The following UTRN variants were observed in gnomAD, a reference collection of about 807,000 sequenced individuals.
The protein encoded by UTRN is dystrophin-related protein 1.
A neutral mutation model predicts 463.9 loss-of-function variants in UTRN; 283 were observed. The ratio of observed to expected loss-of-function variants is 0.61; its 90% confidence interval spans 0.55 to 0.67. UTRN has a LOEUF of 0.67. Ranked by LOEUF, UTRN falls within the 30% of genes least tolerant of loss-of-function variation. The probability of loss-of-function intolerance (pLI) is 0.00; values close to 1 mark genes in which losing one functional copy is unlikely to be tolerated. For synonymous variants in UTRN, 1,442 were observed against 1,431.5 expected (o/e 1.01, Z -0.17); for missense variants, 3,922 against 4,084.3 (o/e 0.96, Z 1.08).
chr6:144,620,944 A>G (rs1775304285), intron 51 of UTRN, among the ~76,000 whole-genome samples: 1 of 152,106 alleles, frequency 6.6e-6, no homozygotes. Flanking sequence ...AAGTGAGGAG[A>G]GCTTGCATAG....
At chr6:144,570,989 C>A (rs557645632) in intron 50 of UTRN, among the ~76,000 whole-genome samples, 3 of 151,900 alleles carry the variant, frequency 2.0e-5, no homozygotes, top group African/African-American at 7.2e-5. Context: ...TTAGCTGTTG[C>A]CATATAACCT....
intron 51 of UTRN, chr6:144,660,396 A>C: frequency 2.6e-6 from 1 of 392,088 alleles, no homozygotes; most frequent in Admixed American, 3.2e-5. Flanking sequence ...TTTATAAGGA[A>C]TATTCAATTT....
intron 53 of UTRN, among the ~76,000 whole-genome samples, chr6:144,718,744 A>G (rs950328833): frequency 4.6e-5 from 7 of 152,186 alleles, no homozygotes; most frequent in Non-Finnish European, 2.9e-5. Flanking sequence ...ACAAAAATTT[A>G]TTGGCTTTCC....
intron 51 of UTRN, among the ~76,000 whole-genome samples, chr6:144,606,993 T>G (rs1424627031): frequency 1.3e-5 from 2 of 152,166 alleles, no homozygotes; most frequent in Admixed American, 1.3e-4. Flanking sequence ...TGTACATCCT[T>G]TACCCATTTA....
intron 34 of UTRN, among the ~76,000 whole-genome samples, chr6:144,505,385 C>T (rs1475331741): frequency 6.6e-6 from 1 of 152,110 alleles, no homozygotes; most frequent in Admixed American, 6.5e-5. Context: ...CTCATGTGGG[C>T]AGTTAGTGCT....
At chr6:144,598,029 A>G (rs1311301099) in intron 51 of UTRN, among the ~76,000 whole-genome samples, 2 of 152,228 alleles carry the variant, frequency 1.3e-5, no homozygotes, top group Non-Finnish European at 2.9e-5. Context: ...ACTGAAAATT[A>G]TATGGAACAA....
chr6:144,357,016 C>CCATA (rs1276729609), intron 2 of UTRN, among the ~76,000 whole-genome samples: 2 of 151,788 alleles, frequency 1.3e-5, no homozygotes. Flanking sequence ...TGTTGGAGAC[C>CCATA]CATAGCCTGT....
chr6:144,578,964 A>G (rs1178263187), intron 51 of UTRN, among the ~76,000 whole-genome samples: 2 of 152,266 alleles, frequency 1.3e-5, no homozygotes, highest in Non-Finnish European at 2.9e-5. Flanking sequence ...GTTTGAAATT[A>G]TTTTCACTGA....
chr6:144,722,119 C>T (rs1295601637), intron 53 of UTRN, among the ~76,000 whole-genome samples: 1 of 152,038 alleles, frequency 6.6e-6, no homozygotes, highest in East Asian at 1.9e-4. Context: ...CCATCAACCA[C>T]AAGGACTCTT....
At chr6:144,761,426 G>A (rs766628030) in intron 58 of UTRN, among the ~76,000 whole-genome samples, 3 of 151,940 alleles carry the variant, frequency 2.0e-5, no homozygotes, top group Non-Finnish European at 2.9e-5. Flanking sequence ...AGGCTGAGGC[G>A]GGTGGATTGC....
At chr6:144,507,969 A>G (rs1052580280) in intron 34 of UTRN, among the ~76,000 whole-genome samples, 1 of 152,110 alleles carries the variant, frequency 6.6e-6, no homozygotes, top group African/African-American at 2.4e-5. Context: ...CAGTCTGGCT[A>G]CAGTTGCTTT....
intron 54 of UTRN, among the ~76,000 whole-genome samples, chr6:144,737,946 C>G (rs765050549): frequency 1.5e-4 from 23 of 151,992 alleles, no homozygotes; most frequent in Non-Finnish European, 2.9e-4. Context: ...TATTCATTCT[C>G]CTGTCTATCC....
chr6:144,550,927 C>A, intron 47 of UTRN, 38 bp from the exon 48 acceptor site: 1 of 1,529,760 alleles, frequency 6.5e-7, no homozygotes, highest in Non-Finnish European at 8.8e-7. Context: ...TCTCATATGG[C>A]TTATTAACCT....
chr6:144,405,492 A>G (rs1480611488), intron 3 of UTRN, among the ~76,000 whole-genome samples: 2 of 152,330 alleles, frequency 1.3e-5, no homozygotes, highest in East Asian at 3.9e-4. Flanking sequence ...ACAAGAAAAA[A>G]AAATAAATCC....
intron 51 of UTRN, among the ~76,000 whole-genome samples, chr6:144,609,842 G>A (rs2128641548): frequency 1.3e-5 from 2 of 152,038 alleles, no homozygotes; most frequent in East Asian, 3.9e-4. Context: ...CTGGGTCACA[G>A]AAAAAATTAG....
Position 144,830,730 on chromosome 6 carries a change from T to TTTTTTGG in UTRN, c.9665+1880_9665+1881insGGTTTTT, listed in dbSNP as rs1394802332. On this transcript the variant is annotated intron_variant, in intron 69 of 74. Transcript: ENST00000367545. ...TTTGTTTTTTGTTTTTTGTTTTTTG[T>TTTTTTGG]TTTTTTTTTGCTTTTTTAGCTCATC... Among the ~76,000 whole-genome samples the TTTTTTGG allele has an allele frequency of 4.1e-3, 434 of 107,024 alleles. 3 individuals are homozygous for TTTTTTGG. The highest frequency in any genetic ancestry group is 0.011 in the African/African-American group (411 of 36,412). The allele number at this position is 107,024 out of a possible 152,430, so 70.2% of individuals were successfully genotyped here. A position where few individuals can be genotyped will look rare whatever the true frequency, so the allele number is the denominator to read the frequency against.
chr6:144,354,447 G>A (rs1206017511), intron 2 of UTRN, among the ~76,000 whole-genome samples: 1 of 152,150 alleles, frequency 6.6e-6, no homozygotes, highest in Non-Finnish European at 1.5e-5. Flanking sequence ...ATCCAACCAC[G>A]TTCTAGAATC....
chr6:144,709,046 C>G (rs1212495379), intron 53 of UTRN, among the ~76,000 whole-genome samples: 1 of 152,314 alleles, frequency 6.6e-6, no homozygotes, highest in East Asian at 1.9e-4. Flanking sequence ...GTCAAACCCT[C>G]ATGACCTAAT....
At chr6:144,454,140 G>T (rs1788592053) in intron 19 of UTRN, among the ~76,000 whole-genome samples, 1 of 152,124 alleles carries the variant, frequency 6.6e-6, no homozygotes. Flanking sequence ...AAACCCACTA[G>T]CATAGTATAT....
Sources: gnomAD v4.1 joint callset for allele counts (sites outside exome capture counted in the v4.1 genomes callset) on GRCh38, gnomAD v4.1.1 for gene constraint, MANE v1.5 for transcripts, NCBI Gene and HGNC (gene_info 2026-07-23, HGNC 2026-07-21) for gene names.